Variants in MALRD1 observed in about 807,000 individuals in gnomAD.
MALRD1 encodes the protein MAM and LDL-receptor class A domain-containing protein 1.
In MALRD1, 247 loss-of-function variants were observed where a neutral mutation model predicts 242.1. That is an observed-to-expected ratio of 1.02 (90% CI 0.92 to 1.13). MALRD1 has a LOEUF of 1.13. Ranked by LOEUF, MALRD1 falls within the 50% of genes most tolerant of loss-of-function variation. The probability of loss-of-function intolerance (pLI) is 0.00; values close to 1 mark genes in which losing one functional copy is unlikely to be tolerated. For missense variants in MALRD1, 2,989 were observed against 2,533.1 expected, an observed-to-expected ratio of 1.18 and a Z score of -3.86; for synonymous variants, 995 against 866.6, an observed-to-expected ratio of 1.15 and a Z score of -2.60.
chr10:19,585,914 T>A (rs1837368315), intron 33 of MALRD1, among the ~76,000 whole-genome samples: 1 of 152,188 alleles, frequency 6.6e-6, no homozygotes, highest in South Asian at 2.1e-4. Flanking sequence ...TCTTGGAGGC[T>A]TTGCTCGTTT....
intron 31 of MALRD1, among the ~76,000 whole-genome samples, chr10:19,517,075 A>T (rs1368074854): frequency 6.6e-6 from 1 of 152,224 alleles, no homozygotes; most frequent in African/African-American, 2.4e-5. Flanking sequence ...TGGTTGAAGC[A>T]GGATTGAATA....
At chr10:19,385,177 G>T (rs896433472) in intron 26 of MALRD1, among the ~76,000 whole-genome samples, 1 of 151,840 alleles carries the variant, frequency 6.6e-6, no homozygotes, top group Admixed American at 6.6e-5. Context: ...ATTTTGTTGA[G>T]GATTTTTGCA....
intron 21 of MALRD1, among the ~76,000 whole-genome samples, chr10:19,288,244 A>G (rs1022502938): frequency 6.6e-6 from 1 of 152,078 alleles, no homozygotes; most frequent in Non-Finnish European, 1.5e-5. Flanking sequence ...TGCAATGTAT[A>G]ATAATCACAT....
intron 29 of MALRD1, among the ~76,000 whole-genome samples, chr10:19,454,405 G>GATAC (rs1554775337): frequency 5.0e-5 from 4 of 80,558 alleles, no homozygotes; most frequent in Admixed American, 1.2e-4. Flanking sequence ...TTATGCATAT[G>GATAC]ATATATATAT....
intron 28 of MALRD1, among the ~76,000 whole-genome samples, chr10:19,404,424 A>G (rs1005247596): frequency 1.3e-5 from 2 of 152,086 alleles, no homozygotes; most frequent in African/African-American, 4.8e-5. Flanking sequence ...ACTAAGATGT[A>G]GTATATTCTA....
At chr10:19,720,434 C>T (rs1834688904) in intron 38 of MALRD1, among the ~76,000 whole-genome samples, 1 of 152,194 alleles carries the variant, frequency 6.6e-6, no homozygotes, top group Admixed American at 6.5e-5. Flanking sequence ...AATGCTTTAT[C>T]TCCTGAGTTA....
chr10:19,447,212 G>T (rs568268954), intron 28 of MALRD1, among the ~76,000 whole-genome samples: 1 of 151,978 alleles, frequency 6.6e-6, no homozygotes, highest in South Asian at 2.1e-4. Flanking sequence ...TCACCTTTTT[G>T]TCCCTGGCAT....
chr10:19,119,525 G>T (rs1021681170), intron 5 of MALRD1, among the ~76,000 whole-genome samples: 2 of 152,122 alleles, frequency 1.3e-5, no homozygotes, highest in Non-Finnish European at 2.9e-5. Flanking sequence ...GGAAGTCGGA[G>T]CTGTCTTCTT....
chr10:19,324,051 A>G lies in MALRD1; in HGVS notation c.3522A>G (p.Lys1174=), dbSNP rs1703193909. 1.9e-5 allele frequency: 30 copies of G among 1,550,640 alleles called. No homozygotes were observed. Among genetic ancestry groups the G allele is most frequent in the Non-Finnish European group, 2.4e-5 (28 of 1,146,870 alleles). ...CTATCATTTCACTCACGGGACCAAA[A>G]TGTACCTTGGTGTTCTGGACACATA... ...LTPIISLTGP[K]CTLVFWTHMN... The change falls in exon 22 of 40, where the codon AAA becomes AAG. Residue 1174 remains lysine, a synonymous_variant. Transcript: ENST00000454679.
chr10:19,500,027 G>A (rs1457485847), intron 31 of MALRD1, among the ~76,000 whole-genome samples: 2 of 152,086 alleles, frequency 1.3e-5, no homozygotes, highest in African/African-American at 4.8e-5. Context: ...ATTTTGTTGA[G>A]GATTTTTGTG....
At chr10:19,531,532 C>T (rs1326584116) in intron 32 of MALRD1, among the ~76,000 whole-genome samples, 181 bp downstream of exon 32, 1 of 152,196 alleles carries the variant, frequency 6.6e-6, no homozygotes, top group East Asian at 1.9e-4. Context: ...ATCTTAATCT[C>T]ATTCAAGATT....
rs1329976082 is a variant in MALRD1 at position 19,567,629 on chromosome 10, CTGA to C, written c.5608_5610del (p.Asp1870del). ...AGTCCGTTTAAGGTGGCATTTGAAG[CTGA>C]TTTGGATGGAAATGAGGACATCTTT... On this transcript the variant is annotated inframe_deletion, in exon 33 of 40. Transcript: ENST00000454679. 2 of 1,550,562 alleles carry C rather than the reference CTGA, an allele frequency of 1.3e-6. No homozygotes were observed. Among genetic ancestry groups the C allele is most frequent in the Non-Finnish European group, 1.7e-6 (2 of 1,146,970 alleles).
chr10:19,587,967 CA>C (rs1837528277), intron 33 of MALRD1, among the ~76,000 whole-genome samples: 2 of 146,692 alleles, frequency 1.4e-5, no homozygotes, highest in African/African-American at 5.0e-5. Flanking sequence ...TAGTAGAAAA[CA>C]AAAATGGCAG....
At chr10:19,344,725 G>C (rs72782381) in intron 24 of MALRD1, among the ~76,000 whole-genome samples, 1 of 150,742 alleles carries the variant, frequency 6.6e-6, no homozygotes, top group Non-Finnish European at 1.5e-5. Context: ...TCAATTGGGG[G>C]GGGGGAGTCA....
intron 24 of MALRD1, among the ~76,000 whole-genome samples, chr10:19,334,566 C>T (rs1843523372): frequency 6.6e-6 from 1 of 151,918 alleles, no homozygotes; most frequent in South Asian, 2.1e-4. Flanking sequence ...CAGTTGAAAA[C>T]AAAACTTATT....
At chr10:19,318,440 A>T (rs1476762079) in intron 21 of MALRD1, among the ~76,000 whole-genome samples, 2 of 149,360 alleles carry the variant, frequency 1.3e-5, no homozygotes, top group African/African-American at 4.9e-5. Flanking sequence ...TCCATAGTTT[A>T]TTTTATATTT....
chr10:19,593,005 TA>T (rs3069581), intron 33 of MALRD1, among the ~76,000 whole-genome samples: 80,463 of 144,242 alleles, frequency 0.56, 21,961 homozygotes, highest in Non-Finnish European at 0.61. Flanking sequence ...ATAAAATACT[TA>T]AAAAAAAAAA....
intron 2 of MALRD1, among the ~76,000 whole-genome samples, chr10:19,071,355 C>CCTAG (rs1382218639): frequency 6.6e-6 from 1 of 150,722 alleles, no homozygotes; most frequent in Non-Finnish European, 1.5e-5. Flanking sequence ...TTCTATCATA[C>CCTAG]CTAGCTATTC....
At chr10:19,376,105 G>A (rs372172805) in intron 26 of MALRD1, among the ~76,000 whole-genome samples, 1 of 152,224 alleles carries the variant, frequency 6.6e-6, no homozygotes, top group East Asian at 1.9e-4. Context: ...CTGGGTGACA[G>A]AGCGAGACTT....
Sources: gnomAD v4.1 joint callset for allele counts (sites outside exome capture counted in the v4.1 genomes callset) on GRCh38, gnomAD v4.1.1 for gene constraint, MANE v1.5 for transcripts, NCBI Gene and HGNC (gene_info 2026-07-23, HGNC 2026-07-21) for gene names.